ADGRG7: variants seen among roughly 807,000 people sequenced by gnomAD.
ADGRG7 encodes the protein adhesion G protein-coupled receptor G7.
ADGRG7 carries 82 observed loss-of-function variants against 88.6 expected under a neutral mutation model. That is an observed-to-expected ratio of 0.93 (90% CI 0.77 to 1.11). ADGRG7 has a LOEUF of 1.11. Among genes scored for constraint, ADGRG7 ranks in the 50% most tolerant of loss-of-function variants. The pLI is 0.00. For missense variants in ADGRG7, 945 were observed against 953.4 expected, an observed-to-expected ratio of 0.99 and a Z score of 0.12; for synonymous variants, 381 against 345.2, an observed-to-expected ratio of 1.10 and a Z score of -1.15.
intron 5 of ADGRG7, among the ~76,000 whole-genome samples, chr3:100,636,693 A>G (rs1230292741): frequency 6.6e-6 from 1 of 152,222 alleles, no homozygotes; most frequent in East Asian, 1.9e-4. Context: ...AGTGGGATTC[A>G]AGTTAATAAA....
chr3:100,646,520 C>G, intron 9 of ADGRG7, 49 bp from the exon 10 acceptor site: 1 of 1,480,890 alleles, frequency 6.8e-7, no homozygotes, highest in Non-Finnish European at 9.3e-7. Context: ...TTTTTTAACC[C>G]AATTAAGTAT....
chr3:100,611,451 A>G (rs1707153615), intron 1 of ADGRG7, among the ~76,000 whole-genome samples: 1 of 152,186 alleles, frequency 6.6e-6, no homozygotes, highest in Non-Finnish European at 1.5e-5. Flanking sequence ...GGACCAAAGT[A>G]CAAAAACAAC....
intron 2 of ADGRG7, among the ~76,000 whole-genome samples, chr3:100,629,936 GT>G (rs1280496996): frequency 6.6e-6 from 1 of 152,146 alleles, no homozygotes; most frequent in East Asian, 1.9e-4. Context: ...TGACTACTAA[GT>G]TTTTTTGCAA....
At chr3:100,676,624 A>G (rs1287551732) in intron 15 of ADGRG7, among the ~76,000 whole-genome samples, 1 of 152,090 alleles carries the variant, frequency 6.6e-6, no homozygotes, top group Non-Finnish European at 1.5e-5. Flanking sequence ...CATTTAGTAT[A>G]TAGTGCAGAG....
At chr3:100,650,055 T>G (rs896123527) in intron 11 of ADGRG7, among the ~76,000 whole-genome samples, 2 of 152,230 alleles carry the variant, frequency 1.3e-5, no homozygotes, top group African/African-American at 4.8e-5. Flanking sequence ...ATGTAAAATT[T>G]ATGTGGTCCT....
Position 100,655,881 on chromosome 3 carries a change from C to T in ADGRG7, c.1727-18C>T, listed in dbSNP as rs1010917884. On this transcript the variant is annotated intron_variant, in intron 12 of 15. Coordinates refer to ENST00000273352, the MANE Select transcript of ADGRG7 (RefSeq NM_032787.3). ...GTCTGGATAAATCATTAATTATGTG[C>T]CTCTCTTTATCACATAGGAGTCCCA... 1.5e-6 allele frequency: 2 copies of T among 1,318,538 alleles called. No homozygotes were observed. The highest frequency in any genetic ancestry group is 2.2e-6 in the Non-Finnish European group (2 of 914,002). 81.7% of individuals were successfully genotyped at this position (1,318,538 alleles called of 1,614,324 possible). A position where few individuals can be genotyped will look rare whatever the true frequency, so the allele number is the denominator to read the frequency against.
At chr3:100,637,245 G>T in intron 5 of ADGRG7, 57 bp from the exon 6 acceptor site, 1 of 1,091,768 alleles carries the variant, frequency 9.2e-7, no homozygotes. Flanking sequence ...TGATAATGAT[G>T]GTGATGATAA....
chr3:100,669,049 G>A lies in ADGRG7; in HGVS notation c.2080G>A (p.Asp694Asn), dbSNP rs1442569635. The change falls in exon 15 of 16, where the codon GAT becomes AAT. Residue 694 changes from aspartate to asparagine, a missense_variant. Asp to Asn is a conservative substitution (Grantham distance 23). Coordinates refer to ENST00000273352, the MANE Select transcript of ADGRG7 (RefSeq NM_032787.3). ...WILAYLMLVNDDSIRIVFSYI... is the reference protein window; with the variant it reads ...WILAYLMLVNNDSIRIVFSYI... ...TCTAGCATACCTGATGCTAGTTAAT[G>A]ATGATAGCATCAGGATCGTCTTCAG... 3 of 1,603,490 alleles carry A rather than the reference G, an allele frequency of 1.9e-6. No homozygotes were observed. The highest frequency in any genetic ancestry group is 2.6e-6 in the Non-Finnish European group (3 of 1,174,550).
intron 5 of ADGRG7, among the ~76,000 whole-genome samples, chr3:100,636,552 C>G (rs1161150237): frequency 6.6e-6 from 1 of 152,088 alleles, no homozygotes; most frequent in South Asian, 2.1e-4. Context: ...CTACAAACCA[C>G]CAATATGGAC....
intron 1 of ADGRG7, among the ~76,000 whole-genome samples, chr3:100,625,341 A>G (rs1707367127): frequency 6.6e-6 from 1 of 151,848 alleles, no homozygotes; most frequent in African/African-American, 2.4e-5. Flanking sequence ...CTGCTTGTCT[A>G]TTGTTGGTGT....
At chr3:100,661,587 A>G (rs755075452) in intron 14 of ADGRG7, among the ~76,000 whole-genome samples, 1 of 152,232 alleles carries the variant, frequency 6.6e-6, no homozygotes, top group African/African-American at 2.4e-5. Context: ...AGACTAAACC[A>G]TTAATGTTTC....
In ADGRG7 at chr3:100,618,076, T is replaced by C. The variant is rs558229674; in HGVS notation, c.115+8105T>C. Among the ~76,000 whole-genome samples, 92 of 152,356 alleles carry C rather than the reference T, an allele frequency of 6.0e-4. 1 individual carries two copies. The South Asian group carries it at 9.1e-3, about 15-fold the overall frequency. ...TTTGATGGGGTTGTTTGTTTTTTTC[T>C]TGTAAATTTGTTTGAGTTCATTGTA... On this transcript the variant is annotated intron_variant, in intron 1 of 15. Transcript: ENST00000273352.
intron 1 of ADGRG7, among the ~76,000 whole-genome samples, chr3:100,617,531 C>A (rs1707242935): frequency 1.3e-5 from 2 of 152,014 alleles, no homozygotes; most frequent in Admixed American, 1.3e-4. Context: ...CATCCATGTC[C>A]CTACAAAGGA....
chr3:100,613,829 T>C (rs960399546), intron 1 of ADGRG7, among the ~76,000 whole-genome samples: 1 of 152,148 alleles, frequency 6.6e-6, no homozygotes, highest in African/African-American at 2.4e-5. Context: ...GTGGTTAAAA[T>C]GGACACTTGA....
intron 7 of ADGRG7, 26 bp downstream of exon 7, chr3:100,643,431 T>G (rs776695277): frequency 6.2e-7 from 1 of 1,613,208 alleles, no homozygotes; most frequent in South Asian, 1.1e-5. Flanking sequence ...TATGTGCTTG[T>G]AACAGCAAAG....
chr3:100,623,418 T>G (rs575709236), intron 1 of ADGRG7, among the ~76,000 whole-genome samples: 28 of 152,366 alleles, frequency 1.8e-4, no homozygotes, highest in Non-Finnish European at 3.5e-4. Flanking sequence ...TTCTACTTCA[T>G]TGATGTATTT....
intron 1 of ADGRG7, among the ~76,000 whole-genome samples, chr3:100,611,287 C>T (rs532133276): frequency 0.058 from 8,344 of 144,436 alleles, 491 homozygotes; most frequent in East Asian, 0.21. Flanking sequence ...TTCCTTCCTT[C>T]CTTCCTTCCT....
intron 11 of ADGRG7, among the ~76,000 whole-genome samples, chr3:100,653,501 T>C (rs1336603558): frequency 6.6e-6 from 1 of 152,234 alleles, no homozygotes; most frequent in Non-Finnish European, 1.5e-5. Flanking sequence ...TAAAACTCCA[T>C]ATAGGGCCTC....
chr3:100,623,393 A>G (rs1193154953), intron 1 of ADGRG7, among the ~76,000 whole-genome samples: 1 of 151,864 alleles, frequency 6.6e-6, no homozygotes, highest in African/African-American at 2.4e-5. Flanking sequence ...TGTTTTATCT[A>G]TTTCTAACCT....
Sources: gnomAD v4.1 joint callset for allele counts (sites outside exome capture counted in the v4.1 genomes callset) on GRCh38, gnomAD v4.1.1 for gene constraint, MANE v1.5 for transcripts, NCBI Gene and HGNC (gene_info 2026-07-23, HGNC 2026-07-21) for gene names.